RELN: variants seen among roughly 807,000 people sequenced by gnomAD.
RELN encodes reelin.
A neutral mutation model predicts 427.6 loss-of-function variants in RELN; 108 were observed. The ratio of observed to expected loss-of-function variants is 0.25; its 90% CI spans 0.22 to 0.30. RELN has a LOEUF of 0.30. Among genes scored for constraint, RELN ranks in the 10% least tolerant of loss-of-function variants. The probability of loss-of-function intolerance (pLI) is 1.00; values close to 1 mark genes in which losing one functional copy is unlikely to be tolerated. For synonymous variants in RELN, 1,524 were observed against 1,513.4 expected (o/e 1.01, Z -0.16); for missense variants, 3,715 against 4,302.8 (o/e 0.86, Z 3.82).
At chr7:103,850,230 T>G (rs774472681) in intron 2 of RELN, among the ~76,000 whole-genome samples, 28 of 152,196 alleles carry the variant, frequency 1.8e-4, no homozygotes, top group African/African-American at 2.9e-4. Flanking sequence ...GGAAGCAGAC[T>G]GCTCCTGCAG....
chr7:103,484,413 C>A, intron 61 of RELN: 1 of 159,904 alleles, frequency 6.3e-6, no homozygotes. Context: ...CCACACGCAG[C>A]TTTGGGAGGG....
chr7:103,677,744 C>T (rs1045562217), intron 11 of RELN, among the ~76,000 whole-genome samples: 3 of 113,628 alleles, frequency 2.6e-5, no homozygotes, highest in African/African-American at 6.9e-5. Flanking sequence ...CCAGCCTGGG[C>T]GACAGAGTGA....
chr7:103,819,333 C>CA (rs947735559), intron 3 of RELN, among the ~76,000 whole-genome samples: 19 of 148,744 alleles, frequency 1.3e-4, no homozygotes, highest in African/African-American at 2.2e-4. Flanking sequence ...TACAGAAAGC[C>CA]AAAAAAAAAT....
In RELN at chr7:103,659,171, TC is replaced by T. The variant is rs200679452; in HGVS notation, c.1441+2204del. 3.1e-3 allele frequency among the ~76,000 whole-genome samples: 478 copies of T among 152,072 alleles called. 2 individuals carry two copies. The highest frequency in any genetic ancestry group is 0.011 in the African/African-American group (447 of 41,524). ...CATAAGCAACATCAAAATATTCTAT[TC>T]CACACTTACTCTCTTATACATATAT... On this transcript the variant is annotated intron_variant, in intron 12 of 64. Transcript: ENST00000428762.
chr7:103,679,989 G>C (rs1833619325), intron 11 of RELN, among the ~76,000 whole-genome samples: 1 of 152,046 alleles, frequency 6.6e-6, no homozygotes, highest in South Asian at 2.1e-4. Flanking sequence ...TTTTACTAAG[G>C]CATTTCTTGT....
At chr7:103,765,877 G>C (rs951105384) in intron 4 of RELN, among the ~76,000 whole-genome samples, 1 of 152,136 alleles carries the variant, frequency 6.6e-6, no homozygotes, top group Non-Finnish European at 1.5e-5. Flanking sequence ...GAAAAAGAAG[G>C]CTGTTTAAAT....
Position 103,650,377 on chromosome 7 carries a change from G to C in RELN, c.1899C>G (p.Asn633Lys). Residue 633 changes from asparagine (N) to lysine (K), a missense_variant, in exon 16 of 65, where the codon AAC (asparagine) becomes AAG (lysine). Asn to Lys is a moderately conservative substitution (Grantham distance 94). Coordinates refer to ENST00000428762, the MANE Select transcript of RELN (RefSeq NM_005045.4). The stretch of plus-strand genomic sequence containing the variant: ...CGTTAGGAAGGGGAATTGTTATTCG[G>C]TTCCACCTGCAAGAAATTTAGCACA... The part of the protein sequence containing the change: ...VYSSENYSGW[N>K]RITIPLPNAA... 1 of 1,602,142 alleles carries C rather than the reference G, an allele frequency of 6.2e-7. No individual in the cohort carries two copies.
intron 7 of RELN, among the ~76,000 whole-genome samples, chr7:103,727,237 C>G (rs972301384): frequency 6.6e-6 from 1 of 151,910 alleles, no homozygotes; most frequent in South Asian, 2.1e-4. Context: ...AAAATACAAC[C>G]TATTACTAGA....
rs117940698 is a variant in RELN, at chr7:103,754,724, T to C, written c.545-1510A>G. 9.5e-3 allele frequency among the ~76,000 whole-genome samples: 1,446 copies of C among 152,170 alleles called. 15 individuals carry two copies. Among genetic ancestry groups the C allele is most frequent in the Non-Finnish European group, 0.013 (891 of 67,990 alleles). On this transcript the variant is annotated intron_variant, in intron 4 of 64. Coordinates refer to ENST00000428762, the MANE Select transcript of RELN (RefSeq NM_005045.4). ...CCAGGAGTTTGAGGATGCAGTGAGC[T>C]AGAAATGCAACATCACACTCCAGCC...
At chr7:103,495,271 T>G (rs78281261) in intron 57 of RELN, among the ~76,000 whole-genome samples, 2 of 151,142 alleles carry the variant, frequency 1.3e-5, no homozygotes, top group Non-Finnish European at 2.9e-5. Context: ...TTATTATTTC[T>G]CAGCCTCCCA....
intron 2 of RELN, among the ~76,000 whole-genome samples, chr7:103,874,551 G>T (rs904958085): frequency 1.3e-3 from 195 of 145,740 alleles, no homozygotes; most frequent in African/African-American, 4.6e-3. Flanking sequence ...CAAGCATTCT[G>T]ATACACCAAC....
intron 46 of RELN, among the ~76,000 whole-genome samples, 184 bp from the exon 47 acceptor site, chr7:103,523,715 T>TC (rs1414084975): frequency 6.6e-6 from 1 of 152,174 alleles, no homozygotes; most frequent in African/African-American, 2.4e-5. Context: ...TCTTGCTCTG[T>TC]CACCCGGGCT....
intron 23 of RELN, among the ~76,000 whole-genome samples, 181 bp downstream of exon 23, chr7:103,604,165 C>G (rs1831748513): frequency 6.6e-6 from 1 of 152,180 alleles, no homozygotes; most frequent in Non-Finnish European, 1.5e-5. Context: ...TGGTTTCATA[C>G]TTATTTTAAT....
chr7:103,952,189 T>C (rs1796346552), intron 1 of RELN, among the ~76,000 whole-genome samples: 1 of 152,202 alleles, frequency 6.6e-6, no homozygotes, highest in Non-Finnish European at 1.5e-5. Flanking sequence ...TTTGTTTTGA[T>C]TTTCTTAATT....
chr7:103,696,587 A>G (rs573305034), intron 10 of RELN, among the ~76,000 whole-genome samples: 3 of 152,178 alleles, frequency 2.0e-5, no homozygotes, highest in East Asian at 1.9e-4. Context: ...TCATTCCTTC[A>G]TGTTCTCAAT....
In RELN at chr7:103,574,196, C is replaced by G. The variant is rs1830945143; in HGVS notation, c.4407G>C (p.Gln1469His). 1.2e-6 allele frequency: 2 copies of G among 1,614,216 alleles called. No individual in the cohort carries two copies. Among genetic ancestry groups the G allele is most frequent in the Non-Finnish European group, 1.7e-6 (2 of 1,180,032 alleles). Reference protein sequence around the residue: ...SPLWYKITGAQVGTGCGTLND... With the variant: ...SPLWYKITGAHVGTGCGTLND... ...TAAGTGTTCCACAGCCAGTTCCAAC[C>G]TGGGCACCTGTTATCTTGTACCACA... is the stretch of plus-strand genomic sequence containing the variant. The change falls in exon 30 of 65, where the codon CAG becomes CAC. Residue 1469 changes from glutamine to histidine, a missense_variant. Gln to His is a conservative substitution (Grantham distance 24). Coordinates refer to ENST00000428762, the MANE Select transcript of RELN (RefSeq NM_005045.4).
At chr7:103,955,505 GT>G (rs1411001651) in intron 1 of RELN, among the ~76,000 whole-genome samples, 1 of 152,210 alleles carries the variant, frequency 6.6e-6, no homozygotes, top group Non-Finnish European at 1.5e-5. Flanking sequence ...GACATTCAGT[GT>G]GTATTTTCAA....
chr7:103,611,345 C>G (rs1440200888), intron 21 of RELN, among the ~76,000 whole-genome samples: 1 of 152,084 alleles, frequency 6.6e-6, no homozygotes, highest in Non-Finnish European at 1.5e-5. Flanking sequence ...AAATAATACT[C>G]AAAACATCAT....
chr7:103,597,491 T>C (rs1275019401), intron 24 of RELN, among the ~76,000 whole-genome samples: 1 of 152,068 alleles, frequency 6.6e-6, no homozygotes. Context: ...TAATCCCAGC[T>C]ATTCAGGAGG....
Sources: gnomAD v4.1 joint callset for allele counts (sites outside exome capture counted in the v4.1 genomes callset) on GRCh38, gnomAD v4.1.1 for gene constraint, MANE v1.5 for transcripts, NCBI Gene and HGNC (gene_info 2026-07-23, HGNC 2026-07-21) for gene names.